The following LOXHD1 variants were observed in gnomAD, a reference collection of about 807,000 sequenced individuals.
The protein encoded by LOXHD1 is lipoxygenase homology domain-containing protein 1.
Under a neutral mutation model 248.2 loss-of-function variants are expected in LOXHD1, and 205 were observed. The observed-to-expected ratio is 0.83, with a 90% CI of 0.74 to 0.93. The LOEUF (loss-of-function observed/expected upper bound fraction) is 0.93. Among genes scored for constraint, LOXHD1 ranks in the 40% least tolerant of loss-of-function variants. The probability of loss-of-function intolerance (pLI) is 0.00; values close to 1 mark genes in which losing one functional copy is unlikely to be tolerated. For synonymous variants in LOXHD1, 1,113 were observed against 1,162.8 expected, an observed-to-expected ratio of 0.96 and a Z score of 0.87; for missense variants, 2,930 against 2,971.6, an observed-to-expected ratio of 0.99 and a Z score of 0.33.
chr18:46,488,908 G>T (rs558573514), intron 38 of LOXHD1, 64 bp downstream of exon 38: 1 of 1,502,936 alleles, frequency 6.7e-7, no homozygotes, highest in Admixed American at 2.0e-5. Flanking sequence ...CAGCTGGAAC[G>T]GTGTCTTCTT....
At chr18:46,501,743 AG>A (rs374562630) in intron 37 of LOXHD1, among the ~76,000 whole-genome samples, 9 of 152,220 alleles carry the variant, frequency 5.9e-5, no homozygotes, top group Non-Finnish European at 1.3e-4. Flanking sequence ...GCAACATTAT[AG>A]GGCATAACTA....
intron 35 of LOXHD1, 67 bp from the exon 36 acceptor site, chr18:46,507,779 C>G: frequency 6.8e-7 from 1 of 1,470,484 alleles, no homozygotes; most frequent in Non-Finnish European, 9.1e-7. Flanking sequence ...CCCCCTGGCT[C>G]ATGCAGCCCC....
At position 46,522,291 on chromosome 18, in the gene LOXHD1, G is replaced by A; in HGVS notation, c.4895C>T (p.Ser1632Leu). 2.6e-6 allele frequency: 4 copies of A among 1,551,764 alleles called. No homozygotes were observed. The highest frequency in any genetic ancestry group is 3.5e-6 in the Non-Finnish European group (4 of 1,147,006). ...QEGPIIPYYV[S>L]VTTGKHKDAA... ...GTCCTTGTGCTTCCCAGTGGTGACT[G>A]ACACATAGTAGGGAATAACTGCAAG... The change falls in exon 32 of 41, where the codon TCA (serine) becomes TTA (leucine). Residue 1632 changes from serine to leucine, a missense_variant. By Grantham distance (145) the Ser-to-Leu change is moderately radical. Transcript: ENST00000642948.
intron 12 of LOXHD1, among the ~76,000 whole-genome samples, chr18:46,581,312 C>T (rs1345037688): frequency 6.6e-6 from 1 of 152,046 alleles, no homozygotes; most frequent in African/African-American, 2.4e-5. Flanking sequence ...GGTGATGGAT[C>T]AGATAGGTAA....
intron 9 of LOXHD1, 149 bp downstream of exon 9, chr18:46,594,182 G>A (rs564985117): frequency 5.9e-5 from 58 of 979,218 alleles, no homozygotes; most frequent in African/African-American, 1.6e-4. Context: ...GCTGCTTGGC[G>A]GGGTTGGGGG....
At chr18:46,631,681 C>T (rs1599063141) in intron 4 of LOXHD1, among the ~76,000 whole-genome samples, 2 of 152,216 alleles carry the variant, frequency 1.3e-5, no homozygotes, top group Non-Finnish European at 2.9e-5. Context: ...TCCTATATCA[C>T]CAACTTGAGA....
At chr18:46,506,458 T>A (rs1402967571) in intron 36 of LOXHD1, among the ~76,000 whole-genome samples, 1 of 152,248 alleles carries the variant, frequency 6.6e-6, no homozygotes, top group African/African-American at 2.4e-5. Context: ...TAGAGCTTCA[T>A]ATCATTTGCT....
chr18:46,492,032 T>C (rs1358838339), intron 37 of LOXHD1, among the ~76,000 whole-genome samples: 1 of 152,228 alleles, frequency 6.6e-6, no homozygotes, highest in Admixed American at 6.5e-5. Flanking sequence ...ATTGCCTTGT[T>C]TTGGAAATTT....
chr18:46,638,379 C>A (rs193223704), intron 4 of LOXHD1, among the ~76,000 whole-genome samples: 1 of 152,286 alleles, frequency 6.6e-6, no homozygotes. Flanking sequence ...TGCCTGTAAT[C>A]CCAGCACTTT....
intron 33 of LOXHD1, among the ~76,000 whole-genome samples, chr18:46,518,490 A>T (rs977712594): frequency 6.6e-6 from 1 of 152,212 alleles, no homozygotes; most frequent in South Asian, 2.1e-4. Flanking sequence ...GCCCTTCTGC[A>T]ATAGAAACAT....
intron 8 of LOXHD1, among the ~76,000 whole-genome samples, chr18:46,597,644 T>C (rs1481746786): frequency 1.3e-5 from 2 of 152,152 alleles, no homozygotes; most frequent in African/African-American, 4.8e-5. Context: ...TGCAATTTTT[T>C]ACAGTCTCTT....
chr18:46,653,270 A>G (rs2039135867), intron 1 of LOXHD1, among the ~76,000 whole-genome samples: 1 of 152,168 alleles, frequency 6.6e-6, no homozygotes, highest in South Asian at 2.1e-4. Flanking sequence ...AAGAACAGGA[A>G]AAAGACTAAT....
At chr18:46,547,738 T>A (rs1247901302) in intron 21 of LOXHD1, among the ~76,000 whole-genome samples, 3 of 152,216 alleles carry the variant, frequency 2.0e-5, no homozygotes, top group Non-Finnish European at 4.4e-5. Flanking sequence ...CTAATACTTG[T>A]GCAATCTTGA....
chr18:46,579,674 G>A lies in LOXHD1; in HGVS notation c.1765C>T (p.Leu589Phe), dbSNP rs1462741689. The change falls in exon 13 of 41, where the codon CTC becomes TTC. Residue 589 changes from leucine to phenylalanine, a missense_variant. By Grantham distance (22) the Leu-to-Phe change is conservative. Coordinates refer to ENST00000642948, the MANE Select transcript of LOXHD1 (RefSeq NM_001384474.1). The part of the protein sequence containing the change: ...GDVGDTGERL[L>F]YNCRNNTDLF... ...TCTGTGTTATTCCTGCAGTTGTAGAGCAGCCGTTCCCCCGTGTCCCCCACA... is the reference window on the plus strand; with the variant it reads ...TCTGTGTTATTCCTGCAGTTGTAGAACAGCCGTTCCCCCGTGTCCCCCACA... 1 of 1,551,712 alleles carries A rather than the reference G, an allele frequency of 6.4e-7. No homozygotes were observed. Among genetic ancestry groups the A allele is most frequent in the Non-Finnish European group, 8.7e-7 (1 of 1,146,992 alleles).
Position 46,529,196 on chromosome 18 carries a change from T to C in LOXHD1, c.4511A>G (p.Asn1504Ser), listed in dbSNP as rs548719002. ...RYLGKSENRT[N>S]KFERGTADTF... ...TCATACCGTTCCTCTCTCGAACTTGTTGGTCCGGTTCTCTGACTTGCCAAG... is the reference window on the plus strand; with the variant it reads ...TCATACCGTTCCTCTCTCGAACTTGCTGGTCCGGTTCTCTGACTTGCCAAG... Residue 1504 changes from asparagine (N) to serine (S), a missense_variant, in exon 29 of 41, where the codon AAC (asparagine) becomes AGC (serine). Transcript: ENST00000642948. 3.2e-6 allele frequency: 5 copies of C among 1,551,574 alleles called. No homozygotes were observed. The African/African-American group carries it at 6.8e-5, about 21-fold the overall frequency.
chr18:46,625,536 A>G (rs772828944), intron 4 of LOXHD1, among the ~76,000 whole-genome samples: 59 of 152,140 alleles, frequency 3.9e-4, no homozygotes, highest in Non-Finnish European at 6.9e-4. Context: ...ATGCTTTAAG[A>G]AAGTTTATGA....
At chr18:46,507,017 CTTCTGGATTTGTCT>C (rs992207511) in intron 36 of LOXHD1, among the ~76,000 whole-genome samples, 3 of 152,200 alleles carry the variant, frequency 2.0e-5, no homozygotes, top group African/African-American at 7.2e-5. Context: ...GTCTGCCTGG[CTTCTGGATTTGTCT>C]TTCTGGACTT....
chr18:46,515,309 A>G (rs2035190066), intron 34 of LOXHD1, among the ~76,000 whole-genome samples: 1 of 152,176 alleles, frequency 6.6e-6, no homozygotes. Flanking sequence ...TTCCTAGTCA[A>G]GATACAGACA....
At chr18:46,480,934 G>T (rs1429715875) in intron 40 of LOXHD1, among the ~76,000 whole-genome samples, 2 of 152,128 alleles carry the variant, frequency 1.3e-5, no homozygotes, top group Non-Finnish European at 2.9e-5. Flanking sequence ...TAAAAAATAA[G>T]GTCTTTTTGT....
Sources: allele counts gnomAD v4.1 joint callset (sites outside exome capture counted in the v4.1 genomes callset), GRCh38; gene constraint gnomAD v4.1.1; transcripts MANE v1.5; gene names NCBI Gene and HGNC (gene_info 2026-07-23, HGNC 2026-07-21).